DTNB: variants seen among roughly 807,000 people sequenced by gnomAD.
DTNB encodes the protein DTN-B.
In DTNB, 63 loss-of-function variants were observed where a neutral mutation model predicts 90.7. That is an observed-to-expected ratio of 0.69 (90% CI 0.57 to 0.86). DTNB has a LOEUF of 0.86. Among genes scored for constraint, DTNB ranks in the 40% least tolerant of loss-of-function variants. DTNB has a pLI of 0.00. For missense variants in DTNB, 744 were observed against 807.1 expected (o/e 0.92, Z 0.95); for synonymous variants, 277 against 286.7 (o/e 0.97, Z 0.34).
At chr2:25,666,372 T>C (rs773293534) in intron 1 of DTNB, among the ~76,000 whole-genome samples, 4 of 152,176 alleles carry the variant, frequency 2.6e-5, no homozygotes, top group Non-Finnish European at 5.9e-5. Flanking sequence ...GAAAACTTCC[T>C]TAAATTGACA....
chr2:25,577,147 A>C, intron 7 of DTNB, 143 bp from the exon 8 acceptor site: 5 of 1,042,018 alleles, frequency 4.8e-6, no homozygotes, highest in Non-Finnish European at 6.6e-6. Context: ...GTAAAAATAA[A>C]AGTAGAGCCG....
At chr2:25,554,973 T>C (rs1297222891) in intron 8 of DTNB, among the ~76,000 whole-genome samples, 1 of 152,074 alleles carries the variant, frequency 6.6e-6, no homozygotes, top group African/African-American at 2.4e-5. Context: ...AGCTTCAAAT[T>C]TCTCTGTAAT....
chr2:25,463,805 G>C (rs933330431), intron 10 of DTNB, among the ~76,000 whole-genome samples: 6 of 152,250 alleles, frequency 3.9e-5, no homozygotes, highest in Admixed American at 1.3e-4. Context: ...TACTGGATTA[G>C]AGTCAGATAC....
At chr2:25,441,276 T>C (rs183426388) in intron 12 of DTNB, among the ~76,000 whole-genome samples, 8 of 152,302 alleles carry the variant, frequency 5.3e-5, no homozygotes, top group Non-Finnish European at 1.5e-5. Context: ...ACCCGAGGAA[T>C]GGATTCATGG....
chr2:25,670,035 T>C (rs2085463055), intron 1 of DTNB, among the ~76,000 whole-genome samples: 1 of 152,192 alleles, frequency 6.6e-6, no homozygotes, highest in South Asian at 2.1e-4. Flanking sequence ...CCAGCAACTG[T>C]AGTTTTTCAT....
intron 4 of DTNB, among the ~76,000 whole-genome samples, chr2:25,611,466 C>T (rs1208702718): frequency 6.6e-6 from 1 of 152,106 alleles, no homozygotes; most frequent in African/African-American, 2.4e-5. Context: ...TTTCCAGGAC[C>T]CCTGCAGATA....
At chr2:25,433,325 C>T (rs981331781) in intron 13 of DTNB, among the ~76,000 whole-genome samples, 1 of 152,208 alleles carries the variant, frequency 6.6e-6, no homozygotes, top group Non-Finnish European at 1.5e-5. Flanking sequence ...CTCCTTGCAA[C>T]CTCCTAATGC....
intron 5 of DTNB, 21 bp from the exon 6 acceptor site, chr2:25,596,261 A>G (rs1196781739): frequency 1.3e-6 from 2 of 1,585,708 alleles, no homozygotes; most frequent in African/African-American, 2.7e-5. Context: ...AAAACCAAAT[A>G]AAGTCAAGCT....
rs377716296 is a variant in DTNB at position 25,623,578 on chromosome 2, T to C, written c.362+4593A>G. Among the ~76,000 whole-genome samples, 131 of 152,248 alleles carry C rather than the reference T, an allele frequency of 8.6e-4. 1 individual carries two copies. Among genetic ancestry groups the C allele is most frequent in the African/African-American group, 3.0e-3 (123 of 41,532 alleles). ...CACATGTACTGATTAAGAAACTGAA[T>C]TGACGTGATCCTGGATTGTTAAGGT... On this transcript the variant is annotated intron_variant, in intron 4 of 20. Coordinates refer to ENST00000406818, the MANE Select transcript of DTNB (RefSeq NM_021907.5).
At chr2:25,456,349 C>T (rs2060027820) in intron 10 of DTNB, among the ~76,000 whole-genome samples, 1 of 152,162 alleles carries the variant, frequency 6.6e-6, no homozygotes, top group Admixed American at 6.5e-5. Flanking sequence ...GTACATCTAT[C>T]AGATAGTAAA....
intron 16 of DTNB, among the ~76,000 whole-genome samples, chr2:25,400,186 A>G (rs899332295): frequency 1.8e-4 from 27 of 152,238 alleles, no homozygotes; most frequent in African/African-American, 6.3e-4. Context: ...TGTGGCGCAC[A>G]TGCAGTCTGA....
chr2:25,413,319 G>C (rs2047053514), intron 16 of DTNB, among the ~76,000 whole-genome samples: 1 of 151,546 alleles, frequency 6.6e-6, no homozygotes, highest in South Asian at 2.1e-4. Flanking sequence ...ACAACGTGCA[G>C]GTTTGTTACA....
At chr2:25,517,467 C>T (rs946941820) in intron 9 of DTNB, among the ~76,000 whole-genome samples, 2 of 152,080 alleles carry the variant, frequency 1.3e-5, no homozygotes, top group South Asian at 2.1e-4. Context: ...ATCAAAATCA[C>T]AATGAGATAT....
In DTNB at chr2:25,455,469, T is replaced by C. The variant is rs1173917695; in HGVS notation, c.1105A>G (p.Ser369Gly). Residue 369 changes from serine (S) to glycine (G), a missense_variant, in exon 11 of 21, where the codon AGT becomes GGT. Physicochemically the swap from Ser to Gly is moderately conservative, Grantham distance 56. Transcript: ENST00000406818. Reference sequence around the variant, plus strand: ...AGCGCATGCTCATCGGCCAAGTGACTGGGTATATCCTGGCTATACTGTAAC... The same window carrying C: ...AGCGCATGCTCATCGGCCAAGTGACCGGGTATATCCTGGCTATACTGTAAC... ...KRLQYSQDIPSHLADEHALIA... is the reference protein window; with the variant it reads ...KRLQYSQDIPGHLADEHALIA... The C allele has an allele frequency of 1.9e-6, 3 of 1,607,514 alleles. No homozygotes were observed. Among genetic ancestry groups the C allele is most frequent in the South Asian group, 1.1e-5 (1 of 89,286 alleles).
At chr2:25,433,864 T>C (rs1466889188) in intron 13 of DTNB, 46 bp downstream of exon 13, 1 of 1,601,126 alleles carries the variant, frequency 6.2e-7, no homozygotes, top group East Asian at 2.2e-5. Flanking sequence ...GATACGCACG[T>C]GATAATCCTG....
At chr2:25,477,310 CAA>C (rs1266259233) in intron 10 of DTNB, among the ~76,000 whole-genome samples, 1 of 152,008 alleles carries the variant, frequency 6.6e-6, no homozygotes, top group African/African-American at 2.4e-5. Flanking sequence ...GGTCTGGGAC[CAA>C]ACCTGCCGTG....
intron 10 of DTNB, among the ~76,000 whole-genome samples, chr2:25,474,849 A>C (rs549828003): frequency 6.6e-6 from 1 of 152,242 alleles, no homozygotes; most frequent in African/African-American, 2.4e-5. Flanking sequence ...TATTATCATC[A>C]TATCGGTTAT....
chr2:25,535,575 G>T (rs531833640), intron 8 of DTNB, among the ~76,000 whole-genome samples: 3 of 143,786 alleles, frequency 2.1e-5, no homozygotes, highest in South Asian at 2.3e-4. Context: ...ACGATGGGCG[G>T]CCACGCAGAG....
chr2:25,562,761 TC>T (rs1352697882), intron 8 of DTNB, among the ~76,000 whole-genome samples: 1 of 151,982 alleles, frequency 6.6e-6, no homozygotes, highest in South Asian at 2.1e-4. Context: ...CCCCATTTTT[TC>T]CCCCAATTTA....
Sources: allele counts gnomAD v4.1 joint callset (sites outside exome capture counted in the v4.1 genomes callset), GRCh38; gene constraint gnomAD v4.1.1; transcripts MANE v1.5; gene names NCBI Gene and HGNC (gene_info 2026-07-23, HGNC 2026-07-21).